The following ZSWIM4 variants were observed in gnomAD, a reference collection of about 807,000 sequenced individuals.
ZSWIM4 encodes zinc finger SWIM-type containing 4, also known as zinc finger SWIM domain-containing protein 4.
ZSWIM4 carries 62 observed loss-of-function variants against 102.5 expected under a neutral mutation model. That is an observed-to-expected ratio of 0.60 (90% CI 0.49 to 0.75). The LOEUF (loss-of-function observed/expected upper bound fraction) is 0.75, where lower values mean the gene tolerates loss of function less well. ZSWIM4 is among the 30% of genes least tolerant of loss of function. The probability of loss-of-function intolerance (pLI) is 0.00; values close to 1 mark genes in which losing one functional copy is unlikely to be tolerated. For missense variants in ZSWIM4, 1,280 were observed against 1,529.6 expected (o/e 0.84, Z 2.72); for synonymous variants, 652 against 674.5 (o/e 0.97, Z 0.52).
In ZSWIM4 at chr19:13,814,649, A is replaced by T. The variant is rs1975214276; in HGVS notation, c.1315A>T (p.Ser439Cys). Residue 439 changes from serine to cysteine, a missense_variant, in exon 7 of 14, where the codon AGC becomes TGC. By Grantham distance (112) the Ser-to-Cys change is moderately radical (BLOSUM62 -1). Transcript: ENST00000590508. ...RILASDSYGPSLTGSVGGDKP... is the reference protein window; with the variant it reads ...RILASDSYGPCLTGSVGGDKP... ...CCTGGCCAGTGACTCCTACGGGCCCAGCCTCACAGGCAGCGTGGGTGGGGA... is the reference window on the plus strand; with the variant it reads ...CCTGGCCAGTGACTCCTACGGGCCCTGCCTCACAGGCAGCGTGGGTGGGGA... 2 of 1,268,692 alleles carry T rather than the reference A, an allele frequency of 1.6e-6. No homozygotes were observed. Among genetic ancestry groups the T allele is most frequent in the Admixed American group, 2.4e-5 (1 of 42,210 alleles). The allele number at this position is 1,268,692 out of a possible 1,614,324, so 78.6% of individuals were successfully genotyped here.
chr19:13,806,532 A>G (rs1456977921), intron 3 of ZSWIM4, among the ~76,000 whole-genome samples: 1 of 152,038 alleles, frequency 6.6e-6, no homozygotes, highest in Non-Finnish European at 1.5e-5. Flanking sequence ...GTTGGGCATG[A>G]TGGCACACAC....
chr19:13,818,030 G>C (rs1019534723), intron 9 of ZSWIM4, 54 bp downstream of exon 9: 7 of 1,433,898 alleles, frequency 4.9e-6, no homozygotes, highest in Non-Finnish European at 6.4e-6. Context: ...TCCAGCCCCT[G>C]GTCCTGTAGC....
chr19:13,801,662 T>C (rs1437906718), intron 2 of ZSWIM4, among the ~76,000 whole-genome samples: 1 of 145,090 alleles, frequency 6.9e-6, no homozygotes, highest in Non-Finnish European at 1.5e-5. Context: ...AGAGTAGAAG[T>C]TTAGAATTCT....
At position 13,825,779 on chromosome 19, in the gene ZSWIM4, C is replaced by T. The variant is rs150731711; in HGVS notation, c.2379+66C>T. ...CGGGGCCAGGACTGACTGTGAGCTG[C>T]GCCTCCCGGGGCATGGGCTGAGTGT... On this transcript the variant is annotated intron_variant, in intron 12 of 13. Coordinates refer to ENST00000590508, the MANE Select transcript of ZSWIM4 (RefSeq NM_001367834.3). The surrounding 1 kb of genome is among the most constrained non-coding windows in gnomAD (Gnocchi z 4.6). The T allele has an allele frequency of 1.1e-3, 1,690 of 1,529,002 alleles. 14 individuals are homozygous for T. The African/African-American group carries it at 0.02, about 18-fold the overall frequency. The allele number at this position is 1,529,002 out of a possible 1,614,324, so 94.7% of individuals were successfully genotyped here.
rs1035026494 is a variant in ZSWIM4, at chr19:13,809,576, G to T, written c.1012+356G>T. Among the ~76,000 whole-genome samples the T allele has an allele frequency of 9.2e-5, 14 of 152,116 alleles. No individual in the cohort carries two copies. Among genetic ancestry groups the T allele is most frequent in the Non-Finnish European group, 2.1e-4 (14 of 68,032 alleles). Reference sequence around the variant, plus strand: ...CGGCTGACTGCAACCTCTGCCTCCCGGACTCAAGTGATCCTACACCTCAGC... The same window carrying T: ...CGGCTGACTGCAACCTCTGCCTCCCTGACTCAAGTGATCCTACACCTCAGC... On this transcript the variant is annotated intron_variant, in intron 5 of 13. Transcript: ENST00000590508. This position sits in a 1 kb window ranked among gnomAD's most constrained non-coding sequence, Gnocchi z 4.2.
intron 2 of ZSWIM4, among the ~76,000 whole-genome samples, chr19:13,801,259 T>A (rs1974764925): frequency 6.7e-6 from 1 of 150,060 alleles, no homozygotes. Flanking sequence ...CCAGATGGGG[T>A]TGGGTTCGGG....
chr19:13,824,282 C>A (rs1167873036), intron 11 of ZSWIM4, among the ~76,000 whole-genome samples: 1 of 152,186 alleles, frequency 6.6e-6, no homozygotes, highest in East Asian at 1.9e-4. Flanking sequence ...TAATTATTGG[C>A]TGGGCACGGT....
chr19:13,808,838 G>A lies in ZSWIM4; in HGVS notation c.715G>A (p.Ala239Thr). The A allele has an allele frequency of 6.2e-7, 1 of 1,602,146 alleles. No individual in the cohort carries two copies. The highest frequency in any genetic ancestry group is 8.5e-7 in the Non-Finnish European group (1 of 1,174,332). The change falls in exon 4 of 14, where the codon GCC becomes ACC. Residue 239 changes from alanine (A) to threonine (T), a missense_variant and splice_region_variant. Physicochemically the swap from Ala to Thr is moderately conservative, Grantham distance 58. Transcript: ENST00000590508. ...TTCCTTTCCCTCCCTCCCGGCAGGT[G>A]CCCCAGACCCCACCGCCGGCGCAGG... ...LGSEINLVNG[A>T]PDPTAGAGIE...
intron 10 of ZSWIM4, among the ~76,000 whole-genome samples, chr19:13,819,729 C>T (rs1200719466): frequency 1.4e-4 from 21 of 151,850 alleles, no homozygotes; most frequent in Admixed American, 1.2e-3. Flanking sequence ...AGTGCAGTGG[C>T]GCGATCTCAG....
chr19:13,823,621 C>T (rs1975529543), intron 11 of ZSWIM4, 121 bp downstream of exon 11: 7 of 1,216,624 alleles, frequency 5.8e-6, no homozygotes, highest in Non-Finnish European at 1.1e-6. Flanking sequence ...ATTCTTTGAG[C>T]ACCTCCTATA....
chr19:13,800,659 G>A (rs1280455574), intron 2 of ZSWIM4, among the ~76,000 whole-genome samples: 1 of 152,010 alleles, frequency 6.6e-6, no homozygotes, highest in Non-Finnish European at 1.5e-5. Flanking sequence ...CCCCCACCTC[G>A]GCCTCCCAAA....
intron 9 of ZSWIM4, among the ~76,000 whole-genome samples, chr19:13,819,086 G>A (rs894554002): frequency 2.0e-5 from 3 of 147,462 alleles, no homozygotes; most frequent in African/African-American, 7.5e-5. Flanking sequence ...GGATGGTCTC[G>A]AACTCCTAAC....
At chr19:13,821,284 C>CAA (rs796387107) in intron 10 of ZSWIM4, among the ~76,000 whole-genome samples, 17 of 62,274 alleles carry the variant, frequency 2.7e-4, no homozygotes, top group African/African-American at 4.9e-4. Context: ...ACTCTGTCTC[C>CAA]AAAAAAAAAA....
Position 13,831,283 on chromosome 19 carries a change from T to C in ZSWIM4, c.*233T>C, listed in dbSNP as rs559081432. 1.8e-6 allele frequency: 1 copy of C among 559,540 alleles called. No individual in the cohort carries two copies. The highest frequency in any genetic ancestry group is 3.7e-5 in the Admixed American group (1 of 26,900). 34.7% of individuals were successfully genotyped at this position (559,540 alleles called of 1,614,324 possible). A position where few individuals can be genotyped will look rare whatever the true frequency, so the allele number is the denominator to read the frequency against. ...CTGCCACCCAGAAGCCTGGAAGGGG[T>C]GTGTGCTTGGGCTGCTGGTATGACC... On this transcript the variant is annotated 3_prime_UTR_variant, in exon 14 of 14. Coordinates refer to ENST00000590508, the MANE Select transcript of ZSWIM4 (RefSeq NM_001367834.3).
At chr19:13,822,178 A>G (rs1466686434) in intron 10 of ZSWIM4, among the ~76,000 whole-genome samples, 2 of 147,130 alleles carry the variant, frequency 1.4e-5, no homozygotes, top group African/African-American at 5.2e-5. Flanking sequence ...ACACACACAC[A>G]CACACACACA....
At chr19:13,796,624 T>C (rs1224888595) in intron 1 of ZSWIM4, 3 of 152,392 alleles carry the variant, frequency 2.0e-5, no homozygotes, top group African/African-American at 7.2e-5. Flanking sequence ...TCTCTTCCCA[T>C]AGGAAAACAG....
chr19:13,798,835 C>G (rs1040954486), intron 1 of ZSWIM4, among the ~76,000 whole-genome samples: 1 of 152,224 alleles, frequency 6.6e-6, no homozygotes, highest in Non-Finnish European at 1.5e-5. Context: ...GTGGCCCAGA[C>G]TGGAGTGCAA....
Position 13,795,752 on chromosome 19 carries a change from T to A in ZSWIM4, c.104T>A (p.Leu35Gln). The A allele has an allele frequency of 8.1e-7, 1 of 1,236,304 alleles. No individual in the cohort carries two copies. Among genetic ancestry groups the A allele is most frequent in the Admixed American group, 4.0e-5 (1 of 24,854 alleles). The allele number at this position is 1,236,304 out of a possible 1,614,324, so 76.6% of individuals were successfully genotyped here. Reference sequence around the variant, plus strand: ...CGTGGCCGGGGCCGGCCCGAGGCGCTGCTGGACCTCAGCGCCAAGCGGGTA... The same window carrying A: ...CGTGGCCGGGGCCGGCCCGAGGCGCAGCTGGACCTCAGCGCCAAGCGGGTA... ...AARGRGRPEA[L>Q]LDLSAKRVAE... Residue 35 changes from leucine to glutamine, a missense_variant, in exon 1 of 14, where the codon CTG (leucine) becomes CAG (glutamine). Physicochemically the swap from Leu to Gln is moderately radical, Grantham distance 113. Coordinates refer to ENST00000590508, the MANE Select transcript of ZSWIM4 (RefSeq NM_001367834.3).
intron 2 of ZSWIM4, 24 bp downstream of exon 2, chr19:13,799,945 G>T (rs746532964): frequency 3.1e-6 from 5 of 1,597,962 alleles, no homozygotes; most frequent in Non-Finnish European, 4.3e-6. Context: ...CCCCACTCCT[G>T]CTGGGGAGGC....
Sources: gnomAD v4.1 joint callset for allele counts (sites outside exome capture counted in the v4.1 genomes callset) on GRCh38, gnomAD v4.1.1 for gene constraint, Gnocchi (gnomAD v3.1) non-coding constraint, MANE v1.5 for transcripts, NCBI Gene and HGNC (gene_info 2026-07-23, HGNC 2026-07-21) for gene names.